The following CDH6 variants were observed in gnomAD, a reference collection of about 807,000 sequenced individuals.
The protein encoded by CDH6 is cadherin 6.
CDH6 carries 31 observed loss-of-function variants against 78.0 expected under a neutral mutation model. That is an observed-to-expected ratio of 0.40 (90% CI 0.30 to 0.54). The LOEUF is 0.54. Among genes scored for constraint, CDH6 ranks in the 20% least tolerant of loss-of-function variants. The probability of loss-of-function intolerance (pLI) is 0.56; values close to 1 mark genes in which losing one functional copy is unlikely to be tolerated. For synonymous variants in CDH6, 376 were observed against 368.8 expected, an observed-to-expected ratio of 1.02 and a Z score of -0.23; for missense variants, 724 against 975.9, an observed-to-expected ratio of 0.74 and a Z score of 3.44.
At chr5:31,263,610 C>G (rs4555832) in intron 1 of CDH6, among the ~76,000 whole-genome samples, 71,469 of 151,604 alleles carry the variant, frequency 0.47, 17,058 homozygotes, top group East Asian at 0.61. Context: ...AAAGCCACCA[C>G]TCCCACTCTC....
At chr5:31,251,922 C>A (rs1054268035) in intron 1 of CDH6, 4 of 152,122 alleles carry the variant, frequency 2.6e-5, no homozygotes, top group African/African-American at 9.7e-5. Context: ...ATAAAAAATT[C>A]CAGGCCAAGC....
Position 31,294,147 on chromosome 5 carries a change from C to T in CDH6, c.414C>T (p.Pro138=), listed in dbSNP as rs147617483. ...AQAINRRTGR[P]VEPESEFIIK... ...CTATAAACAGAAGGACAGGGAGACC[C>T]GTGGAGCCCGAGTCTGAATTCATCA... Residue 138 remains proline (P), a synonymous_variant, in exon 3 of 12, where the codon CCC becomes CCT. Transcript: ENST00000265071. The surrounding 1 kb of genome is among the most constrained non-coding windows in gnomAD (Gnocchi z 4.1). 7,447 of 1,613,812 alleles carry T rather than the reference C, an allele frequency of 4.6e-3. 24 individuals carry two copies. The highest frequency in any genetic ancestry group is 5.5e-3 in the Non-Finnish European group (6,529 of 1,179,886).
At chr5:31,267,765 A>G in intron 2 of CDH6, 64 bp downstream of exon 2, 2 of 1,175,310 alleles carry the variant, frequency 1.7e-6, no homozygotes, top group Non-Finnish European at 2.5e-6. Context: ...CTTCTAATAA[A>G]TAGATGGGGA....
In CDH6 at chr5:31,323,055, G is replaced by A. The variant is rs1234214570; in HGVS notation, c.2120G>A (p.Arg707His). 6.2e-7 allele frequency: 1 copy of A among 1,614,116 alleles called. No individual in the cohort carries two copies. Among genetic ancestry groups the A allele is most frequent in the Non-Finnish European group, 8.5e-7 (1 of 1,180,028 alleles). The change falls in exon 12 of 12, where the codon CGC becomes CAC. Residue 707 changes from arginine (R) to histidine (H), a missense_variant. Coordinates refer to ENST00000265071, the MANE Select transcript of CDH6 (RefSeq NM_004932.4). Reference protein sequence around the residue: ...LFLPRRTPTARDNTDVRDFIN... With the variant: ...LFLPRRTPTAHDNTDVRDFIN... The stretch of plus-strand genomic sequence containing the variant: ...CTACCCCGACGGACTCCAACAGCTC[G>A]CGACAACACCGATGTCAGAGATTTC...
At chr5:31,250,464 C>T (rs1741878547) in intron 1 of CDH6, 1 of 152,500 alleles carries the variant, frequency 6.6e-6, no homozygotes, top group African/African-American at 2.4e-5. Flanking sequence ...TCTTCTGACA[C>T]TTAGGAGTCA....
chr5:31,292,501 G>T (rs1737398941), intron 2 of CDH6, among the ~76,000 whole-genome samples: 2 of 152,126 alleles, frequency 1.3e-5, no homozygotes, highest in South Asian at 4.2e-4. Flanking sequence ...CGAGCATTTT[G>T]TGCAGTATTA....
chr5:31,240,602 C>T (rs537684151), intron 1 of CDH6, among the ~76,000 whole-genome samples: 2 of 152,292 alleles, frequency 1.3e-5, no homozygotes, highest in South Asian at 2.1e-4. Context: ...AGGAAAACTT[C>T]GCTCTACTCA....
chr5:31,275,832 C>T (rs10472190), intron 2 of CDH6, among the ~76,000 whole-genome samples: 3,302 of 152,248 alleles, frequency 0.022, 132 homozygotes, highest in African/African-American at 0.076. Context: ...GCCAAGAATA[C>T]ATTGTAACCA....
At chr5:31,198,831 A>C (rs1011784199) in intron 1 of CDH6, among the ~76,000 whole-genome samples, 4 of 152,264 alleles carry the variant, frequency 2.6e-5, no homozygotes, top group Non-Finnish European at 4.4e-5. Context: ...ATATTTATAC[A>C]CACTACTCAT....
intron 11 of CDH6, among the ~76,000 whole-genome samples, chr5:31,322,243 A>T (rs1439772112): frequency 6.6e-6 from 1 of 151,804 alleles, no homozygotes; most frequent in Non-Finnish European, 1.5e-5. Context: ...CTCTCCAGGT[A>T]TTTTCTGGAA....
chr5:31,278,715 T>C (rs750521280), intron 2 of CDH6, among the ~76,000 whole-genome samples: 2 of 152,206 alleles, frequency 1.3e-5, no homozygotes, highest in Non-Finnish European at 2.9e-5. Flanking sequence ...AGAAAAATTA[T>C]ATGTAATGAC....
At chr5:31,259,896 A>T (rs375745461) in intron 1 of CDH6, among the ~76,000 whole-genome samples, 5 of 152,220 alleles carry the variant, frequency 3.3e-5, no homozygotes, top group African/African-American at 1.2e-4. Context: ...GACAGTGGGG[A>T]CCGTGGCAGC....
chr5:31,320,922 T>C (rs1738461737), intron 11 of CDH6, among the ~76,000 whole-genome samples: 1 of 150,474 alleles, frequency 6.6e-6, no homozygotes, highest in East Asian at 2.0e-4. Flanking sequence ...GAGGTTGTAG[T>C]GATCTGAGAT....
At chr5:31,316,907 T>A (rs1253104312) in intron 9 of CDH6, among the ~76,000 whole-genome samples, 1 of 152,226 alleles carries the variant, frequency 6.6e-6, no homozygotes, top group African/African-American at 2.4e-5. Flanking sequence ...GTTGATAGGT[T>A]ATGTAATGCT....
At chr5:31,275,902 C>T (rs538808757) in intron 2 of CDH6, among the ~76,000 whole-genome samples, 1 of 152,288 alleles carries the variant, frequency 6.6e-6, no homozygotes, top group South Asian at 2.1e-4. Flanking sequence ...AAAATGTCTT[C>T]CTTATGTTCC....
chr5:31,304,256 A>G (rs1477696372), intron 6 of CDH6, among the ~76,000 whole-genome samples: 1 of 152,134 alleles, frequency 6.6e-6, no homozygotes, highest in Admixed American at 6.5e-5. Context: ...GTGGCTCTCA[A>G]TTCTGGCTGC....
chr5:31,306,331 C>T (rs558849851), intron 7 of CDH6, among the ~76,000 whole-genome samples: 105 of 152,314 alleles, frequency 6.9e-4, no homozygotes, highest in Middle Eastern at 3.4e-3. Context: ...CCTGTGCTTT[C>T]CTTACACCTT....
chr5:31,289,890 A>G (rs990164556), intron 2 of CDH6, among the ~76,000 whole-genome samples: 35 of 152,126 alleles, frequency 2.3e-4, no homozygotes, highest in African/African-American at 8.5e-4. Context: ...AGATGCTGCC[A>G]TGGTTTTGGT....
chr5:31,209,901 T>C (rs905923427), intron 1 of CDH6, among the ~76,000 whole-genome samples: 7 of 150,484 alleles, frequency 4.7e-5, no homozygotes, highest in Non-Finnish European at 8.9e-5. Flanking sequence ...TTTTGTCTAG[T>C]AGAAAAGAGA....
Sources: gnomAD v4.1 joint callset for allele counts (sites outside exome capture counted in the v4.1 genomes callset) on GRCh38, gnomAD v4.1.1 for gene constraint, Gnocchi (gnomAD v3.1) non-coding constraint, MANE v1.5 for transcripts, NCBI Gene and HGNC (gene_info 2026-07-23, HGNC 2026-07-21) for gene names.